Variants in AOAH observed in about 807,000 individuals in gnomAD.
AOAH encodes acyloxyacyl hydrolase.
In AOAH, 64 loss-of-function variants were observed where a neutral mutation model predicts 92.2. The ratio of observed to expected loss-of-function variants is 0.69; its 90% CI spans 0.57 to 0.86. The LOEUF (loss-of-function observed/expected upper bound fraction) is 0.86. Ranked by LOEUF, AOAH falls within the 40% of genes least tolerant of loss-of-function variation. The pLI is 0.00. For missense variants in AOAH, 656 were observed against 694.6 expected, an observed-to-expected ratio of 0.94 and a Z score of 0.62; for synonymous variants, 263 against 254.5, an observed-to-expected ratio of 1.03 and a Z score of -0.32.
intron 4 of AOAH, among the ~76,000 whole-genome samples, chr7:36,650,624 A>G (rs561641518): frequency 1.3e-5 from 2 of 152,328 alleles, no homozygotes; most frequent in Non-Finnish European, 2.9e-5. Context: ...GATGAACCCT[A>G]TGTTTATTTC....
chr7:36,679,639 C>T (rs1266010567), intron 2 of AOAH, among the ~76,000 whole-genome samples: 3 of 67,254 alleles, frequency 4.5e-5, no homozygotes, highest in Admixed American at 1.6e-4. Context: ...AAACTTGAAG[C>T]ACAGTGCCAC....
At chr7:36,691,145 T>A (rs1197641141) in intron 1 of AOAH, among the ~76,000 whole-genome samples, 1 of 152,214 alleles carries the variant, frequency 6.6e-6, no homozygotes, top group Admixed American at 6.5e-5. Flanking sequence ...CTTACGGTTT[T>A]CAAAATGTTT....
chr7:36,686,388 C>A (rs562281041), intron 2 of AOAH, among the ~76,000 whole-genome samples: 22 of 152,270 alleles, frequency 1.4e-4, no homozygotes, highest in African/African-American at 5.3e-4. Flanking sequence ...GTACTTAAGG[C>A]AATGATCAGT....
At chr7:36,544,890 G>A (rs2116257428) in intron 15 of AOAH, among the ~76,000 whole-genome samples, 1 of 152,264 alleles carries the variant, frequency 6.6e-6, no homozygotes, top group African/African-American at 2.4e-5. Context: ...TGGAACCATA[G>A]CTAAAGCCCA....
In AOAH at chr7:36,538,482, G is replaced by A. The variant is rs143576420; in HGVS notation, c.1306+1837C>T. Among the ~76,000 whole-genome samples, 14 of 152,236 alleles carry A rather than the reference G, an allele frequency of 9.2e-5. No individual in the cohort carries two copies. The South Asian group carries it at 1.0e-3, about 11-fold the overall frequency. On this transcript the variant is annotated intron_variant, in intron 16 of 20. Transcript: ENST00000617537. ...ATCGGAAAGAATTTATGGAGGTGGC[G>A]TAACCAGAGTTCATGGAAAGAAAAT...
intron 4 of AOAH, among the ~76,000 whole-genome samples, chr7:36,639,740 C>T (rs1420862682): frequency 6.6e-6 from 1 of 152,152 alleles, no homozygotes; most frequent in East Asian, 1.9e-4. Context: ...ATGATGTGCT[C>T]CGTGCACTGA....
intron 15 of AOAH, among the ~76,000 whole-genome samples, chr7:36,543,947 C>CTTTCTTTTTTTTTTTTTTTT (rs55745823): frequency 3.3e-5 from 3 of 91,008 alleles, no homozygotes; most frequent in African/African-American, 4.3e-5. Context: ...TTCTTTCTTT[C>CTTTCTTTTTTTTTTTTTTTT]TTTTTTTTTT....
intron 3 of AOAH, among the ~76,000 whole-genome samples, chr7:36,659,755 CTTTT>C (rs112482487): frequency 4.1e-4 from 53 of 127,976 alleles, no homozygotes; most frequent in African/African-American, 1.6e-3. Context: ...TTTTTTCTTT[CTTTT>C]TTTTTTTTTT....
At chr7:36,554,106 T>G (rs1355259623) in intron 13 of AOAH, among the ~76,000 whole-genome samples, 4 of 152,264 alleles carry the variant, frequency 2.6e-5, no homozygotes, top group African/African-American at 9.6e-5. Flanking sequence ...TTAGGGTTTT[T>G]ATGGTTTTAG....
chr7:36,687,852 T>C (rs1797134767), intron 1 of AOAH, among the ~76,000 whole-genome samples: 1 of 152,190 alleles, frequency 6.6e-6, no homozygotes, highest in Admixed American at 6.5e-5. Context: ...TGATAACGGA[T>C]ATGAACAATA....
intron 6 of AOAH, 113 bp from the exon 7 acceptor site, chr7:36,623,363 G>T: frequency 1.1e-6 from 1 of 910,948 alleles, no homozygotes; most frequent in Non-Finnish European, 1.7e-6. Context: ...ATGCCACAGA[G>T]GGCCATTCTA....
intron 3 of AOAH, among the ~76,000 whole-genome samples, chr7:36,668,186 G>C (rs928374188): frequency 3.3e-5 from 5 of 149,736 alleles, no homozygotes; most frequent in South Asian, 2.1e-4. Flanking sequence ...AGAAACATGA[G>C]AGGTTTTTGT....
At chr7:36,562,896 C>A (rs1210425881) in intron 13 of AOAH, among the ~76,000 whole-genome samples, 6 of 151,930 alleles carry the variant, frequency 3.9e-5, no homozygotes, top group African/African-American at 1.5e-4. Flanking sequence ...CACCTGTAAT[C>A]CCAGCACTTT....
At position 36,716,285 on chromosome 7, in the gene AOAH, A is replaced by G. The variant is rs1299266909; in HGVS notation, c.127+7737T>C. ...AAACCACAATGAGATACCATCTCAC[A>G]CCAGTTAGAATGGCGATCATTAAAA... On this transcript the variant is annotated intron_variant, in intron 1 of 20. Transcript: ENST00000617537. Among the ~76,000 whole-genome samples, 13 of 151,704 alleles carry G rather than the reference A, an allele frequency of 8.6e-5. No individual in the cohort carries two copies. In the South Asian group the frequency reaches 2.7e-3, roughly 31 times the overall value.
Position 36,516,563 on chromosome 7 carries a change from C to T in AOAH, c.1600-3183G>A, listed in dbSNP as rs1474111129. On this transcript the variant is annotated intron_variant, in intron 20 of 20. Transcript: ENST00000617537. This position sits in a 1 kb window ranked among gnomAD's most constrained non-coding sequence, Gnocchi z 5.0. Reference sequence around the variant, plus strand: ...GCAGGAGCATGTCAAAGGCTGCCTGCGAAGCTGGCCAGTGCTCCAGGGAGG... The same window carrying T: ...GCAGGAGCATGTCAAAGGCTGCCTGTGAAGCTGGCCAGTGCTCCAGGGAGG... Among the ~76,000 whole-genome samples the T allele has an allele frequency of 6.6e-6, 1 of 152,164 alleles. No homozygotes were observed. Among genetic ancestry groups the T allele is most frequent in the Non-Finnish European group, 1.5e-5 (1 of 68,040 alleles).
At chr7:36,700,200 T>C (rs572100346) in intron 1 of AOAH, among the ~76,000 whole-genome samples, 1 of 152,224 alleles carries the variant, frequency 6.6e-6, no homozygotes, top group South Asian at 2.1e-4. Context: ...TGTATACATA[T>C]AAGGGGTATA....
chr7:36,628,452 T>G (rs1461257323), intron 6 of AOAH, among the ~76,000 whole-genome samples: 1 of 152,180 alleles, frequency 6.6e-6, no homozygotes, highest in African/African-American at 2.4e-5. Context: ...TTTTCCTTCA[T>G]GTGTTCCCTC....
intron 13 of AOAH, among the ~76,000 whole-genome samples, chr7:36,566,576 C>T (rs1419239026): frequency 2.6e-5 from 4 of 152,002 alleles, no homozygotes; most frequent in Non-Finnish European, 4.4e-5. Context: ...GTGACCATCT[C>T]TCTAAAATAA....
intron 19 of AOAH, among the ~76,000 whole-genome samples, chr7:36,526,729 A>G (rs1454076601): frequency 2.0e-5 from 3 of 152,258 alleles, no homozygotes; most frequent in African/African-American, 7.2e-5. Flanking sequence ...AAGTCAAAGA[A>G]GCTGCTAATG....
Sources: allele counts gnomAD v4.1 joint callset (sites outside exome capture counted in the v4.1 genomes callset), GRCh38; gene constraint gnomAD v4.1.1; non-coding constraint Gnocchi (gnomAD v3.1); transcripts MANE v1.5; gene names NCBI Gene and HGNC (gene_info 2026-07-23, HGNC 2026-07-21).